The following GAREM1 variants were observed in gnomAD, a reference collection of about 807,000 sequenced individuals.
GAREM1 encodes the protein GRB2 associated regulator of MAPK1 subtype 1, also known as GRB2-associated and regulator of MAPK protein 1.
Under a neutral mutation model 71.3 loss-of-function variants are expected in GAREM1, and 26 were observed. The ratio of observed to expected loss-of-function variants is 0.36; its 90% CI spans 0.27 to 0.51. GAREM1 has a LOEUF of 0.51. Ranked by LOEUF, GAREM1 falls within the 20% of genes least tolerant of loss-of-function variation. GAREM1 has a pLI of 0.95. For missense variants in GAREM1, 1,026 were observed against 1,103.1 expected, an observed-to-expected ratio of 0.93 and a Z score of 0.99; for synonymous variants, 440 against 433.2, an observed-to-expected ratio of 1.02 and a Z score of -0.20.
chr18:32,267,976 C>G lies in GAREM1; in HGVS notation c.2526G>C (p.Leu842=). 1 of 1,613,868 alleles carries G rather than the reference C, an allele frequency of 6.2e-7. No homozygotes were observed. Among genetic ancestry groups the G allele is most frequent in the Non-Finnish European group, 8.5e-7 (1 of 1,179,788 alleles). ...FFVTEKIDGN[L]LVQLTEEILS... ...GGATTTCTTCCGTTAGCTGAACAAG[C>G]AGGTTCCCATCAATCTTTTCAGTAA... is the stretch of plus-strand genomic sequence containing the variant. The change falls in exon 6 of 6, where the codon CTG becomes CTC. Residue 842 remains leucine, a synonymous_variant. Coordinates refer to ENST00000269209, the MANE Select transcript of GAREM1 (RefSeq NM_001242409.2).
At chr18:32,410,809 CTGTTT>C (rs1909694160) in intron 1 of GAREM1, among the ~76,000 whole-genome samples, 1 of 152,042 alleles carries the variant, frequency 6.6e-6, no homozygotes, top group Non-Finnish European at 1.5e-5. Context: ...GTTTTTTGTT[CTGTTT>C]TGTTTTGAGA....
intron 1 of GAREM1, among the ~76,000 whole-genome samples, chr18:32,457,506 C>G (rs2048907900): frequency 6.6e-6 from 1 of 151,822 alleles, no homozygotes; most frequent in Admixed American, 6.6e-5. Context: ...ACAATCTACT[C>G]AGGTAAGTAT....
intron 1 of GAREM1, among the ~76,000 whole-genome samples, chr18:32,408,158 T>C (rs977038658): frequency 6.6e-6 from 1 of 152,184 alleles, no homozygotes; most frequent in Non-Finnish European, 1.5e-5. Context: ...ATATATTCTT[T>C]CAAGCTTCCT....
chr18:32,457,226 A>AGAGAGAGTGTGTGT (rs1555648709), intron 1 of GAREM1, among the ~76,000 whole-genome samples: 1 of 81,926 alleles, frequency 1.2e-5, no homozygotes, highest in African/African-American at 4.2e-5. Flanking sequence ...AGAGAGAGAG[A>AGAGAGAGTGTGTGT]GTGTGTGTGT....
At chr18:32,349,852 A>T (rs2047730528) in intron 2 of GAREM1, among the ~76,000 whole-genome samples, 1 of 152,242 alleles carries the variant, frequency 6.6e-6, no homozygotes, top group Non-Finnish European at 1.5e-5. Context: ...CATGCTTTTT[A>T]AATCCAATCC....
intron 5 of GAREM1, 82 bp downstream of exon 5, chr18:32,270,135 C>T: frequency 7.2e-7 from 1 of 1,391,070 alleles, no homozygotes; most frequent in Non-Finnish European, 1.0e-6. Context: ...CCTGTTAGGG[C>T]TACCGTGAAA....
At position 32,335,184 on chromosome 18, in the gene GAREM1, ATTC is replaced by A. The variant is rs1480319173; in HGVS notation, c.263-24864_263-24862del. ...TCTAATCTTTTATTCAATTGTGGGCATTCTTCTCTCTCAGTGTGAAAGCTGAAT... is the reference window on the plus strand; with the variant it reads ...TCTAATCTTTTATTCAATTGTGGGCATTCTCTCTCAGTGTGAAAGCTGAAT... On this transcript the variant is annotated intron_variant, in intron 2 of 5. Coordinates refer to ENST00000269209, the MANE Select transcript of GAREM1 (RefSeq NM_001242409.2). Among the ~76,000 whole-genome samples, 7 of 152,360 alleles carry A rather than the reference ATTC, an allele frequency of 4.6e-5. No individual in the cohort carries two copies. The East Asian group carries it at 1.2e-3, about 25-fold the overall frequency.
intron 2 of GAREM1, among the ~76,000 whole-genome samples, chr18:32,376,680 A>C (rs960398866): frequency 6.6e-5 from 10 of 152,198 alleles, no homozygotes; most frequent in Non-Finnish European, 1.5e-4. Flanking sequence ...TCTATTAAAA[A>C]TGCAAAAATT....
chr18:32,364,016 A>G (rs866314070), intron 2 of GAREM1, among the ~76,000 whole-genome samples: 4 of 49,136 alleles, frequency 8.1e-5, no homozygotes, highest in East Asian at 5.4e-4. Context: ...ATATATATAT[A>G]TATATATATA....
At chr18:32,275,434 T>C (rs2041527239) in intron 4 of GAREM1, among the ~76,000 whole-genome samples, 1 of 152,202 alleles carries the variant, frequency 6.6e-6, no homozygotes, top group Non-Finnish European at 1.5e-5. Context: ...AGGTGGGTGT[T>C]ACCGTCCATT....
chr18:32,362,583 A>G (rs1198269306), intron 2 of GAREM1, among the ~76,000 whole-genome samples: 1 of 152,224 alleles, frequency 6.6e-6, no homozygotes, highest in Non-Finnish European at 1.5e-5. Flanking sequence ...TGAAATGACT[A>G]AAAGATAAAT....
intron 1 of GAREM1, among the ~76,000 whole-genome samples, chr18:32,419,944 T>C (rs187504296): frequency 3.7e-4 from 56 of 152,292 alleles, no homozygotes; most frequent in Admixed American, 2.6e-3. Flanking sequence ...ACGAAAGCAG[T>C]TGTCACCTCG....
intron 2 of GAREM1, among the ~76,000 whole-genome samples, chr18:32,361,203 C>T (rs1457549894): frequency 6.6e-6 from 1 of 152,174 alleles, no homozygotes; most frequent in African/African-American, 2.4e-5. Context: ...CCTTGGGGAT[C>T]ACCTACAGAT....
At chr18:32,341,113 T>C (rs2047643038) in intron 2 of GAREM1, among the ~76,000 whole-genome samples, 1 of 152,214 alleles carries the variant, frequency 6.6e-6, no homozygotes, top group African/African-American at 2.4e-5. Context: ...TATCTGCTAA[T>C]GCTATCCCTC....
At chr18:32,403,587 T>C (rs555256387) in intron 1 of GAREM1, among the ~76,000 whole-genome samples, 34 of 152,284 alleles carry the variant, frequency 2.2e-4, no homozygotes, top group Admixed American at 5.2e-4. Flanking sequence ...TTCTTTGCTT[T>C]TGTTTTGAGA....
chr18:32,449,945 G>C (rs2144290529), intron 1 of GAREM1, among the ~76,000 whole-genome samples: 1 of 152,200 alleles, frequency 6.6e-6, no homozygotes, highest in African/African-American at 2.4e-5. Context: ...TATGGACATT[G>C]GGCAGGCAAA....
In GAREM1 at chr18:32,268,251, C is replaced by G. The variant is rs958909346; in HGVS notation, c.2251G>C (p.Ala751Pro). ...GACCCAGACTTGGGGTCTTCCTCAG[C>G]ACCATCAATTTTCAGAGGCAAAGGA... Reference protein sequence around the residue: ...TSPLPLKIDGAEEDPKSGSPD... With the variant: ...TSPLPLKIDGPEEDPKSGSPD... The change falls in exon 6 of 6, where the codon GCT becomes CCT. Residue 751 changes from alanine (A) to proline (P), a missense_variant. By Grantham distance (27) the Ala-to-Pro change is conservative (BLOSUM62 -1). This residue lies in a region of GAREM1 where 636 missense variants were observed against 631.2 expected (regional missense o/e 1.01). Transcript: ENST00000269209. The G allele has an allele frequency of 6.2e-7, 1 of 1,614,092 alleles. No individual in the cohort carries two copies. Among genetic ancestry groups the G allele is most frequent in the African/African-American group, 1.3e-5 (1 of 75,002 alleles).
At chr18:32,399,226 CA>C (rs1246562734) in intron 1 of GAREM1, among the ~76,000 whole-genome samples, 3 of 152,006 alleles carry the variant, frequency 2.0e-5, no homozygotes, top group African/African-American at 7.2e-5. Flanking sequence ...ACTGAATGGG[CA>C]AAAAACTGGA....
At chr18:32,279,261 TG>T (rs892964405) in intron 4 of GAREM1, among the ~76,000 whole-genome samples, 8 of 152,330 alleles carry the variant, frequency 5.3e-5, no homozygotes, top group African/African-American at 1.4e-4. Flanking sequence ...GGACTGATAC[TG>T]GTCTGTAGCC....
Sources: allele counts gnomAD v4.1 joint callset (sites outside exome capture counted in the v4.1 genomes callset), GRCh38; gene constraint gnomAD v4.1.1; regional missense constraint gnomAD v4.1.1; transcripts MANE v1.5; gene names NCBI Gene and HGNC (gene_info 2026-07-23, HGNC 2026-07-21).